The following ASAP1 variants were observed in gnomAD, a reference collection of about 807,000 sequenced individuals.
ASAP1 encodes arf-GAP with SH3 domain, ANK repeat and PH domain-containing protein 1.
Under a neutral mutation model 145.2 loss-of-function variants are expected in ASAP1, and 43 were observed. The observed-to-expected ratio is 0.30, with a 90% CI of 0.23 to 0.38. The LOEUF (loss-of-function observed/expected upper bound fraction) is 0.38. Among genes scored for constraint, ASAP1 ranks in the 10% least tolerant of loss-of-function variants. The pLI is 1.00. For synonymous variants in ASAP1, 546 were observed against 515.5 expected (o/e 1.06, Z -0.80); for missense variants, 1,018 against 1,355.3 (o/e 0.75, Z 3.91).
At chr8:130,360,701 A>G (rs1826670652) in intron 2 of ASAP1, 1 of 152,276 alleles carries the variant, frequency 6.6e-6, no homozygotes, top group Non-Finnish European at 1.5e-5. Flanking sequence ...TGTCCTCATT[A>G]GCACTTTAAA....
intron 3 of ASAP1, among the ~76,000 whole-genome samples, chr8:130,341,675 T>G (rs1348091832): frequency 6.6e-6 from 1 of 152,164 alleles, no homozygotes; most frequent in Non-Finnish European, 1.5e-5. Context: ...GTGCAAAGAT[T>G]AAATAATTCC....
intron 3 of ASAP1, among the ~76,000 whole-genome samples, chr8:130,246,763 C>G (rs2136792252): frequency 6.6e-6 from 1 of 152,266 alleles, no homozygotes; most frequent in South Asian, 2.1e-4. Context: ...ACAGCCATTC[C>G]ATACATTCTG....
intron 24 of ASAP1, among the ~76,000 whole-genome samples, chr8:130,108,690 GAT>G (rs949302154): frequency 1.4e-5 from 2 of 145,298 alleles, no homozygotes; most frequent in African/African-American, 5.1e-5. Flanking sequence ...TAGGTTCTGT[GAT>G]ATTATTTTAA....
chr8:130,095,463 G>A (rs2135449034), intron 24 of ASAP1, among the ~76,000 whole-genome samples: 1 of 151,916 alleles, frequency 6.6e-6, no homozygotes, highest in Admixed American at 6.6e-5. Flanking sequence ...ACCACGTCTG[G>A]CTAATTTTTG....
intron 3 of ASAP1, among the ~76,000 whole-genome samples, chr8:130,244,409 T>G (rs534943310): frequency 6.6e-6 from 1 of 152,184 alleles, no homozygotes; most frequent in Admixed American, 6.5e-5. Context: ...TCCTGGAGAC[T>G]GTGCAAGAAT....
intron 11 of ASAP1, chr8:130,160,851 G>A: frequency 4.1e-6 from 5 of 1,207,826 alleles, no homozygotes; most frequent in Non-Finnish European, 5.4e-6. Flanking sequence ...TGAAAATATA[G>A]TTAATTTCAT....
Position 130,358,152 on chromosome 8 carries a change from A to T in ASAP1, c.60-9T>A. Reference sequence around the variant, plus strand: ...AGATCTGGTCCGGCATCCTGCCGGGAGGGACGAGACACAAGCGGGGGCGGG... The same window carrying T: ...AGATCTGGTCCGGCATCCTGCCGGGTGGGACGAGACACAAGCGGGGGCGGG... On this transcript the variant is annotated splice_polypyrimidine_tract_variant and intron_variant, in intron 2 of 29. Transcript: ENST00000518721. This position sits in a 1 kb window ranked among gnomAD's most constrained non-coding sequence, Gnocchi z 4.1. 1 of 1,598,656 alleles carries T rather than the reference A, an allele frequency of 6.3e-7. No homozygotes were observed. The highest frequency in any genetic ancestry group is 8.5e-7 in the Non-Finnish European group (1 of 1,174,472).
At chr8:130,159,569 A>G (rs952560653) in intron 12 of ASAP1, among the ~76,000 whole-genome samples, 1 of 150,020 alleles carries the variant, frequency 6.7e-6, no homozygotes, top group African/African-American at 2.4e-5. Context: ...AAAAAAAAAA[A>G]GCGGAGAGGT....
chr8:130,105,356 T>C (rs1252172103), intron 24 of ASAP1, among the ~76,000 whole-genome samples: 1 of 152,216 alleles, frequency 6.6e-6, no homozygotes, highest in Non-Finnish European at 1.5e-5. Context: ...TACTGCACCA[T>C]TTTATATAAG....
chr8:130,367,584 C>T (rs1343201444), intron 2 of ASAP1, among the ~76,000 whole-genome samples: 1 of 152,176 alleles, frequency 6.6e-6, no homozygotes, highest in Non-Finnish European at 1.5e-5. Flanking sequence ...ATTTCACCTC[C>T]CTCGGCCTCA....
rs1206526066 is a variant in ASAP1 at position 130,072,793 on chromosome 8, A to ATGTGTGTGTGTGTGTGTG, written c.2701+3537_2701+3554dup. ...CTGAAGGCCTGGACTTGCAATTGATATGTGTGTGTGTGTGTGTGTGTGTGT... is the reference window on the plus strand; with the variant it reads ...CTGAAGGCCTGGACTTGCAATTGATATGTGTGTGTGTGTGTGTGTGTGTGTGTGTGTGTGTGTGTGTGT... On this transcript the variant is annotated intron_variant, in intron 27 of 29. Transcript: ENST00000518721. Among the ~76,000 whole-genome samples the ATGTGTGTGTGTGTGTGTG allele has an allele frequency of 3.4e-3, 353 of 102,404 alleles. 10 individuals are homozygous for ATGTGTGTGTGTGTGTGTG. Among genetic ancestry groups the ATGTGTGTGTGTGTGTGTG allele is most frequent in the African/African-American group, 0.011 (319 of 28,294 alleles). 67.2% of individuals were successfully genotyped at this position (102,404 alleles called of 152,430 possible).
chr8:130,054,451 G>C lies in ASAP1; in HGVS notation c.*280C>G. 1 of 293,574 alleles carries C rather than the reference G, an allele frequency of 3.4e-6. No homozygotes were observed. Among genetic ancestry groups the C allele is most frequent in the South Asian group, 4.9e-5 (1 of 20,566 alleles). The allele number at this position is 293,574 out of a possible 1,614,324, so 18.2% of individuals were successfully genotyped here. A position where few individuals can be genotyped will look rare whatever the true frequency, so the allele number is the denominator to read the frequency against. ...CAGCAGTTCCTATACTCCTATTTTT[G>C]TTTGTTTGCTTGTAGAACAGCATAG... is the stretch of plus-strand genomic sequence containing the variant. On this transcript the variant is annotated 3_prime_UTR_variant, in exon 30 of 30. Transcript: ENST00000518721.
intron 5 of ASAP1, among the ~76,000 whole-genome samples, chr8:130,192,489 A>C (rs1222590694): frequency 1.3e-5 from 2 of 152,184 alleles, no homozygotes; most frequent in Non-Finnish European, 2.9e-5. Context: ...CAGATAGCTG[A>C]AATAATTTGC....
intron 12 of ASAP1, among the ~76,000 whole-genome samples, chr8:130,159,609 T>C (rs1233423601): frequency 6.6e-6 from 1 of 151,014 alleles, no homozygotes; most frequent in African/African-American, 2.4e-5. Flanking sequence ...ACTTGCCTGC[T>C]GCATGTGCTA....
chr8:130,392,491 A>G (rs903864181), intron 2 of ASAP1, among the ~76,000 whole-genome samples: 1 of 152,254 alleles, frequency 6.6e-6, no homozygotes, highest in African/African-American at 2.4e-5. Context: ...ATATGTGCCA[A>G]GTACTATTCA....
chr8:130,272,063 G>A (rs1016769804), intron 3 of ASAP1, among the ~76,000 whole-genome samples: 1 of 152,130 alleles, frequency 6.6e-6, no homozygotes, highest in Non-Finnish European at 1.5e-5. Context: ...TACTGGGGAG[G>A]CTGAGACAGG....
At chr8:130,160,707 C>T (rs1397726297) in intron 11 of ASAP1, 4 of 967,740 alleles carry the variant, frequency 4.1e-6, no homozygotes, top group South Asian at 1.5e-5. Context: ...AAATCAACAA[C>T]GTTGAACTGC....
intron 3 of ASAP1, among the ~76,000 whole-genome samples, chr8:130,312,512 CA>C (rs1330683632): frequency 6.6e-6 from 1 of 152,118 alleles, no homozygotes; most frequent in African/African-American, 2.4e-5. Context: ...GTAGCAACTC[CA>C]GGGGGCCTTC....
At chr8:130,286,269 A>G (rs1821606192) in intron 3 of ASAP1, among the ~76,000 whole-genome samples, 2 of 152,356 alleles carry the variant, frequency 1.3e-5, no homozygotes, top group African/African-American at 4.8e-5. Context: ...AAACTGGGCC[A>G]TAACAAAAAC....
Sources: allele counts gnomAD v4.1 joint callset (sites outside exome capture counted in the v4.1 genomes callset), GRCh38; gene constraint gnomAD v4.1.1; non-coding constraint Gnocchi (gnomAD v3.1); transcripts MANE v1.5; gene names NCBI Gene and HGNC (gene_info 2026-07-23, HGNC 2026-07-21).